The following SAXO1 variants were observed in gnomAD, a reference collection of about 807,000 sequenced individuals.
SAXO1 encodes the protein stabilizer of axonemal microtubules 1, also known as 4930500O09Rik.
A neutral mutation model predicts 17.5 loss-of-function variants in SAXO1; 21 were observed. The observed-to-expected ratio is 1.20, with a 90% CI of 0.85 to 1.72. The LOEUF (loss-of-function observed/expected upper bound fraction) is 1.72. Ranked by LOEUF, SAXO1 falls within the 40% of genes most tolerant of loss-of-function variation. The pLI, the probability that SAXO1 is intolerant of heterozygous loss-of-function variation, is 0.00. For missense variants in SAXO1, 843 were observed against 596.0 expected (o/e 1.41, Z -4.32); for synonymous variants, 274 against 216.5 (o/e 1.27, Z -2.33).
At chr9:18,968,660 C>G (rs909978604) in intron 1 of SAXO1, among the ~76,000 whole-genome samples, 17 of 150,132 alleles carry the variant, frequency 1.1e-4, no homozygotes, top group African/African-American at 3.7e-4. Flanking sequence ...GTGGTATGAT[C>G]GCAGCTCACT....
At chr9:19,019,202 T>C (rs4977486) in intron 1 of SAXO1, among the ~76,000 whole-genome samples, 42,114 of 152,100 alleles carry the variant, frequency 0.28, 6,689 homozygotes, top group African/African-American at 0.44. Flanking sequence ...CATGTACCCA[T>C]AGCTCTCTGT....
intron 1 of SAXO1, among the ~76,000 whole-genome samples, chr9:18,963,441 C>G (rs1344444665): frequency 6.6e-6 from 1 of 152,128 alleles, no homozygotes; most frequent in Admixed American, 6.5e-5. Context: ...CATGAGCATG[C>G]AATGTTTTTC....
At chr9:19,009,547 T>C (rs576994956) in intron 1 of SAXO1, among the ~76,000 whole-genome samples, 1 of 151,760 alleles carries the variant, frequency 6.6e-6, no homozygotes, top group African/African-American at 2.4e-5. Flanking sequence ...AGACCCCAGG[T>C]GGAAACTGTG....
At chr9:19,017,695 G>A (rs978093503) in intron 1 of SAXO1, among the ~76,000 whole-genome samples, 3 of 152,186 alleles carry the variant, frequency 2.0e-5, no homozygotes, top group African/African-American at 7.2e-5. Context: ...CAAGAATCCT[G>A]AATAATATAA....
upstream of SAXO1, among the ~76,000 whole-genome samples, chr9:19,038,237 C>A (rs1009418773): frequency 2.6e-5 from 4 of 152,108 alleles, no homozygotes; most frequent in Non-Finnish European, 4.4e-5. Flanking sequence ...TACCATTTGA[C>A]CCAGCCATCC....
chr9:18,965,657 G>T (rs1418778103), intron 1 of SAXO1, among the ~76,000 whole-genome samples: 2 of 151,912 alleles, frequency 1.3e-5, no homozygotes, highest in Admixed American at 6.6e-5. Flanking sequence ...TGTGAGATGG[G>T]TCTCCTGAAT....
chr9:18,957,472 C>A (rs1832300466), intron 1 of SAXO1, among the ~76,000 whole-genome samples: 1 of 152,166 alleles, frequency 6.6e-6, no homozygotes, highest in South Asian at 2.1e-4. Flanking sequence ...CCTCCACTTA[C>A]AATCCAATTT....
intron 1 of SAXO1, among the ~76,000 whole-genome samples, chr9:19,045,761 T>C (rs901054337): frequency 6.6e-6 from 1 of 152,192 alleles, no homozygotes; most frequent in African/African-American, 2.4e-5. Context: ...GGTTTTTAAA[T>C]AACTTTAAAT....
chr9:18,965,816 G>C (rs189999243), intron 1 of SAXO1, among the ~76,000 whole-genome samples: 2 of 152,280 alleles, frequency 1.3e-5, no homozygotes, highest in East Asian at 3.9e-4. Context: ...TTGCACATTA[G>C]TTGATGCAGT....
intron 1 of SAXO1, among the ~76,000 whole-genome samples, chr9:18,961,316 A>G (rs1832472485): frequency 6.6e-6 from 1 of 152,094 alleles, no homozygotes; most frequent in Admixed American, 6.5e-5. Flanking sequence ...GACCACAGGC[A>G]TGTGCCACCA....
chr9:18,990,694 C>G lies in SAXO1; in HGVS notation c.39-39757G>C, dbSNP rs191127706. Among the ~76,000 whole-genome samples, 7 of 152,332 alleles carry G rather than the reference C, an allele frequency of 4.6e-5. No individual in the cohort carries two copies. In the East Asian group the frequency reaches 1.2e-3, roughly 25 times the overall value. On this transcript the variant is annotated intron_variant, in intron 1 of 3. Coordinates refer to ENST00000380534, the MANE Select transcript of SAXO1 (RefSeq NM_153707.4). ...GAAGCTTCATCTGTATTTACAGCCA[C>G]TCCCCATTGCTCACATTACCACCTG...
intron 1 of SAXO1, among the ~76,000 whole-genome samples, chr9:19,020,557 C>T (rs1157769808): frequency 1.3e-5 from 2 of 152,080 alleles, no homozygotes; most frequent in African/African-American, 2.4e-5. Context: ...CAGGGTTTCA[C>T]CATGCAGCCC....
intron 1 of SAXO1, among the ~76,000 whole-genome samples, chr9:19,043,625 G>A (rs1836131534): frequency 6.6e-6 from 1 of 152,056 alleles, no homozygotes; most frequent in Non-Finnish European, 1.5e-5. Context: ...AAATTAGCCA[G>A]GCATGGTAGT....
chr9:18,983,614 A>G (rs1833482116), intron 1 of SAXO1, among the ~76,000 whole-genome samples: 1 of 152,214 alleles, frequency 6.6e-6, no homozygotes, highest in Admixed American at 6.5e-5. Flanking sequence ...AAGTTTTATC[A>G]TGAGAGTGCA....
At chr9:18,955,793 C>T (rs1832233860) in intron 1 of SAXO1, among the ~76,000 whole-genome samples, 1 of 152,126 alleles carries the variant, frequency 6.6e-6, no homozygotes, top group Non-Finnish European at 1.5e-5. Context: ...TTCAATGCCA[C>T]CACTCCCACC....
upstream of SAXO1, among the ~76,000 whole-genome samples, chr9:19,033,419 G>C (rs915834082): frequency 5.3e-5 from 8 of 152,228 alleles, no homozygotes; most frequent in Non-Finnish European, 8.8e-5. Context: ...AAAGCTCCTG[G>C]TGCAGTAAAC....
intron 1 of SAXO1, among the ~76,000 whole-genome samples, chr9:19,031,012 ACT>A (rs1220849840): frequency 6.6e-6 from 1 of 152,168 alleles, no homozygotes; most frequent in African/African-American, 2.4e-5. Flanking sequence ...ACAAGAACAG[ACT>A]CTGCTTCCAA....
intron 1 of SAXO1, among the ~76,000 whole-genome samples, chr9:19,017,449 G>A (rs115447489): frequency 1.3e-5 from 2 of 152,094 alleles, no homozygotes; most frequent in South Asian, 4.2e-4. Context: ...CTACAGACAG[G>A]GACACTGGCA....
At chr9:19,019,495 A>G (rs1296426695) in intron 1 of SAXO1, among the ~76,000 whole-genome samples, 1 of 152,116 alleles carries the variant, frequency 6.6e-6, no homozygotes, top group East Asian at 1.9e-4. Flanking sequence ...TTGGGAGGCC[A>G]AGGCAGTTGT....
Sources: allele counts gnomAD v4.1 joint callset (sites outside exome capture counted in the v4.1 genomes callset), GRCh38; gene constraint gnomAD v4.1.1; transcripts MANE v1.5; gene names NCBI Gene and HGNC (gene_info 2026-07-23, HGNC 2026-07-21).